XRN1: variants seen among roughly 807,000 people sequenced by gnomAD.
The protein encoded by XRN1 is 5'-3' exoribonuclease 1.
XRN1 carries 67 observed loss-of-function variants against 222.3 expected under a neutral mutation model. The ratio of observed to expected loss-of-function variants is 0.30; its 90% CI spans 0.25 to 0.37. The LOEUF (loss-of-function observed/expected upper bound fraction) is 0.37, where lower values mean the gene tolerates loss of function less well. Ranked by LOEUF, XRN1 falls within the 10% of genes least tolerant of loss-of-function variation. The probability of loss-of-function intolerance (pLI) is 1.00; values close to 1 mark genes in which losing one functional copy is unlikely to be tolerated. For missense variants in XRN1, 1,707 were observed against 2,000.2 expected, an observed-to-expected ratio of 0.85 and a Z score of 2.80; for synonymous variants, 643 against 652.4, an observed-to-expected ratio of 0.99 and a Z score of 0.22.
chr3:142,389,832 CT>C (rs1402214533), intron 20 of XRN1, among the ~76,000 whole-genome samples: 11 of 152,166 alleles, frequency 7.2e-5, no homozygotes, highest in Non-Finnish European at 1.6e-4. Context: ...AAATGTATTT[CT>C]TAACTACTAA....
rs781344796 is a variant in XRN1, at chr3:142,329,536, G to A, written c.4302C>T (p.Pro1434=). 5 of 1,601,216 alleles carry A rather than the reference G, an allele frequency of 3.1e-6. No homozygotes were observed. Among genetic ancestry groups the A allele is most frequent in the Admixed American group, 1.8e-5 (1 of 57,106 alleles). ...GTGTGGATACAGGAGGGATCTGGCT[G>A]GGGGCAGGCCAACACATATTGTCCA... ...QSMDNMCWPA[P]SQIPPVSTPV... is the part of the protein sequence containing the mutation. Residue 1434 remains proline (P), a synonymous_variant, in exon 37 of 41, where the codon CCC becomes CCT. Transcript: ENST00000392981.
At chr3:142,423,757 T>C in intron 5 of XRN1, 115 bp from the exon 6 acceptor site, 1 of 713,666 alleles carries the variant, frequency 1.4e-6, no homozygotes, top group Non-Finnish European at 2.2e-6. Context: ...AATTAGCACA[T>C]TAAATATACA....
chr3:142,371,129 C>CAA (rs372983936), intron 26 of XRN1, 110 bp downstream of exon 26: 1,779 of 644,034 alleles, frequency 2.8e-3, no homozygotes, highest in Middle Eastern at 3.1e-3. Flanking sequence ...GAACCTGTCT[C>CAA]AAAAAAAAAA....
chr3:142,396,218 A>G (rs1487929886), intron 20 of XRN1, among the ~76,000 whole-genome samples: 1 of 152,224 alleles, frequency 6.6e-6, no homozygotes, highest in East Asian at 1.9e-4. Flanking sequence ...ACAAATGACT[A>G]AACACTTTAC....
rs1332533513 is a variant in XRN1, at chr3:142,306,932, T to C, written c.*4579A>G. On this transcript the variant is annotated 3_prime_UTR_variant, in exon 41 of 41. Coordinates refer to ENST00000392981, the MANE Select transcript of XRN1 (RefSeq NM_001282857.2). ...AGATCTAATGAAAAATTCCAGTTAC[T>C]TATAAAATAGTTGAGAAATCAATTA... is the stretch of plus-strand genomic sequence containing the variant. The C allele has an allele frequency of 1.3e-5, 2 of 152,640 alleles. No homozygotes were observed. The highest frequency in any genetic ancestry group is 2.9e-5 in the Non-Finnish European group (2 of 68,042). The allele number at this position is 152,640 out of a possible 1,614,324, so 9.5% of individuals were successfully genotyped here.
chr3:142,388,641 G>A (rs893506225), intron 20 of XRN1, among the ~76,000 whole-genome samples: 15 of 152,302 alleles, frequency 9.8e-5, no homozygotes, highest in Admixed American at 5.9e-4. Context: ...GATGGCTGAC[G>A]CAATTTTTGA....
chr3:142,414,497 A>AT (rs35156679), intron 13 of XRN1, among the ~76,000 whole-genome samples: 621 of 143,816 alleles, frequency 4.3e-3, no homozygotes, highest in Middle Eastern at 0.011. Context: ...CATTTCCTGA[A>AT]TTTTTTTTTT....
intron 1 of XRN1, among the ~76,000 whole-genome samples, chr3:142,434,225 C>A (rs2069763713): frequency 6.6e-6 from 1 of 152,134 alleles, no homozygotes; most frequent in African/African-American, 2.4e-5. Context: ...CGGCTCACTG[C>A]AGCCTCCACC....
At chr3:142,431,954 T>TATATTG (rs2069606154) in intron 2 of XRN1, among the ~76,000 whole-genome samples, 74 of 91,150 alleles carry the variant, frequency 8.1e-4, no homozygotes, top group Middle Eastern at 4.4e-3. Context: ...ATATAATATA[T>TATATTG]TATATATAAT....
intron 37 of XRN1, among the ~76,000 whole-genome samples, chr3:142,326,883 A>T (rs1577224707): frequency 6.6e-6 from 1 of 152,096 alleles, no homozygotes; most frequent in Non-Finnish European, 1.5e-5. Flanking sequence ...AAATGATCAT[A>T]TGGTTTTTGT....
At chr3:142,396,385 T>C (rs1015511935) in intron 20 of XRN1, among the ~76,000 whole-genome samples, 1 of 152,238 alleles carries the variant, frequency 6.6e-6, no homozygotes, top group African/African-American at 2.4e-5. Flanking sequence ...TCTACTCTTA[T>C]GGTGCATACT....
chr3:142,418,789 T>C (rs372968703), intron 11 of XRN1, 26 bp downstream of exon 11: 36 of 1,610,182 alleles, frequency 2.2e-5, no homozygotes, highest in Non-Finnish European at 2.6e-5. Context: ...AGTAGTAACA[T>C]ATCAAAACAC....
At chr3:142,313,971 A>G (rs2065141433) in intron 39 of XRN1, among the ~76,000 whole-genome samples, 3 of 152,210 alleles carry the variant, frequency 2.0e-5, no homozygotes. Context: ...ACTATCTACG[A>G]GCAACTTTGG....
At chr3:142,381,774 C>T (rs764709047) in intron 22 of XRN1, among the ~76,000 whole-genome samples, 9 of 151,846 alleles carry the variant, frequency 5.9e-5, no homozygotes, top group Non-Finnish European at 7.4e-5. Context: ...GCTGTGTTGG[C>T]CAGCCTGGTC....
chr3:142,334,801 C>A (rs1219374087), intron 34 of XRN1, among the ~76,000 whole-genome samples: 1 of 144,788 alleles, frequency 6.9e-6, no homozygotes, highest in Non-Finnish European at 1.5e-5. Flanking sequence ...CACACACACA[C>A]AAAAGACCAT....
At position 142,380,074 on chromosome 3, in the gene XRN1, G is replaced by GT. The variant is rs1187511104; in HGVS notation, c.2715+7dup. On this transcript the variant is annotated splice_region_variant and intron_variant, in intron 23 of 40. Transcript: ENST00000392981. ...TCTAAATGAAACAATACAAACTACT[G>GT]TACTCACATGCTGGTTCTGTATTAA... 1.2e-6 allele frequency: 2 copies of GT among 1,609,028 alleles called. No homozygotes were observed. The highest frequency in any genetic ancestry group is 1.7e-6 in the Non-Finnish European group (2 of 1,176,734).
chr3:142,323,109 C>T (rs1179895415), intron 37 of XRN1, among the ~76,000 whole-genome samples: 2 of 152,054 alleles, frequency 1.3e-5, no homozygotes, highest in African/African-American at 2.4e-5. Context: ...TGTGAGCCAC[C>T]GCATCTAGCG....
At chr3:142,407,752 G>A (rs1287478733) in intron 15 of XRN1, 2 of 151,952 alleles carry the variant, frequency 1.3e-5, no homozygotes, top group Non-Finnish European at 2.9e-5. Flanking sequence ...TTAAGTATAT[G>A]TACTGCTGAA....
intron 10 of XRN1, among the ~76,000 whole-genome samples, chr3:142,419,852 G>A (rs2068937413): frequency 6.6e-6 from 1 of 151,662 alleles, no homozygotes; most frequent in Admixed American, 6.6e-5. Flanking sequence ...TAATTACAGA[G>A]AGGCTGAAGA....
Sources: allele counts gnomAD v4.1 joint callset (sites outside exome capture counted in the v4.1 genomes callset), GRCh38; gene constraint gnomAD v4.1.1; transcripts MANE v1.5; gene names NCBI Gene and HGNC (gene_info 2026-07-23, HGNC 2026-07-21).